The following CPPED1 variants were observed in gnomAD, a reference collection of about 807,000 sequenced individuals.
CPPED1 encodes serine/threonine-protein phosphatase CPPED1.
CPPED1 carries 28 observed loss-of-function variants against 28.0 expected under a neutral mutation model. That is an observed-to-expected ratio of 1.00 (90% CI 0.74 to 1.37). The LOEUF is 1.37. CPPED1 is among the 40% of genes most tolerant of loss of function. The pLI, the probability that CPPED1 is intolerant of heterozygous loss-of-function variation, is 0.00. For synonymous variants in CPPED1, 198 were observed against 180.2 expected, an observed-to-expected ratio of 1.10 and a Z score of -0.79; for missense variants, 504 against 416.5, an observed-to-expected ratio of 1.21 and a Z score of -1.83.
In CPPED1 at chr16:12,803,883, A is replaced by C. The variant is rs1053772581; in HGVS notation, c.-107T>G. ...GTCCCGCTTTGGGCGACGCCCTTTG[A>C]TCTCGGGGCGGGACTGGGGCGGGAC... On this transcript the variant is annotated 5_prime_UTR_variant, in exon 1 of 4. Transcript: ENST00000381774. 1 of 1,073,804 alleles carries C rather than the reference A, an allele frequency of 9.3e-7. No homozygotes were observed. 66.5% of individuals were successfully genotyped at this position (1,073,804 alleles called of 1,614,324 possible). A position where few individuals can be genotyped will look rare whatever the true frequency, so the allele number is the denominator to read the frequency against.
intron 2 of CPPED1, among the ~76,000 whole-genome samples, chr16:12,740,954 C>T (rs1596466856): frequency 6.6e-6 from 1 of 152,140 alleles, no homozygotes; most frequent in Non-Finnish European, 1.5e-5. Context: ...CCAGCTTTCC[C>T]GGCTGATCAC....
intron 3 of CPPED1, among the ~76,000 whole-genome samples, chr16:12,700,222 G>A (rs2141184268): frequency 6.6e-6 from 1 of 152,354 alleles, no homozygotes; most frequent in East Asian, 1.9e-4. Flanking sequence ...CCTTAGGCCA[G>A]TGGCCAAGAA....
intron 3 of CPPED1, 137 bp downstream of exon 3, chr16:12,704,487 C>T (rs938940121): frequency 2.3e-6 from 2 of 863,952 alleles, no homozygotes; most frequent in South Asian, 1.7e-5. Context: ...GTCTGCAAGT[C>T]CAAGAGCTGG....
chr16:12,764,031 ATT>A (rs34298808), intron 2 of CPPED1, among the ~76,000 whole-genome samples: 4,071 of 143,172 alleles, frequency 0.028, 102 homozygotes, highest in African/African-American at 0.066. Flanking sequence ...TCCCATTTGC[ATT>A]TTTTTTTTTT....
rs2079913680 is a variant in CPPED1, at chr16:12,682,991, T to C, written c.716-17876A>G. Among the ~76,000 whole-genome samples the C allele has an allele frequency of 6.6e-6, 1 of 152,198 alleles. No individual in the cohort carries two copies. The highest frequency in any genetic ancestry group is 2.1e-4 in the South Asian group (1 of 4,832). On this transcript the variant is annotated intron_variant, in intron 3 of 3. Coordinates refer to ENST00000381774, the MANE Select transcript of CPPED1 (RefSeq NM_018340.3). This position sits in a 1 kb window ranked among gnomAD's most constrained non-coding sequence, Gnocchi z 6.1. ...CTGACAGAATGTTCGTGTATCAAATTGGAAATCCATCCAAAAATACTCGAG... is the reference window on the plus strand; with the variant it reads ...CTGACAGAATGTTCGTGTATCAAATCGGAAATCCATCCAAAAATACTCGAG...
intron 1 of CPPED1, among the ~76,000 whole-genome samples, chr16:12,786,435 G>C (rs964890848): frequency 2.6e-5 from 4 of 151,898 alleles, no homozygotes; most frequent in Admixed American, 2.6e-4. Flanking sequence ...TGTTCAGGTT[G>C]TTAGTGGTGG....
At chr16:12,740,011 A>C (rs951694703) in intron 2 of CPPED1, among the ~76,000 whole-genome samples, 9 of 151,624 alleles carry the variant, frequency 5.9e-5, no homozygotes, top group Non-Finnish European at 1.3e-4. Context: ...TATTATGTGG[A>C]AAGAAAGACG....
intron 2 of CPPED1, among the ~76,000 whole-genome samples, chr16:12,737,555 C>G (rs919551379): frequency 2.6e-5 from 4 of 152,206 alleles, no homozygotes; most frequent in Non-Finnish European, 4.4e-5. Context: ...CAAGGGCATA[C>G]TCAGGGCTGA....
chr16:12,707,631 A>G lies in CPPED1; in HGVS notation c.290-2582T>C, dbSNP rs1596454532. Among the ~76,000 whole-genome samples the G allele has an allele frequency of 2.0e-5, 3 of 152,308 alleles. No homozygotes were observed. In the South Asian group the frequency reaches 6.2e-4, roughly 32 times the overall value. ...AAATGTCCGAATCCCTAATGACCAT[A>G]AACAGAAAAGTTAAGAAGGGGCAGT... On this transcript the variant is annotated intron_variant, in intron 2 of 3. Coordinates refer to ENST00000381774, the MANE Select transcript of CPPED1 (RefSeq NM_018340.3).
rs536648660 is a variant in CPPED1 at position 12,670,340 on chromosome 16, T to C, written c.716-5225A>G. 6.6e-6 allele frequency among the ~76,000 whole-genome samples: 1 copy of C among 152,054 alleles called. No homozygotes were observed. Among genetic ancestry groups the C allele is most frequent in the Admixed American group, 6.6e-5 (1 of 15,256 alleles). On this transcript the variant is annotated intron_variant, in intron 3 of 3. Transcript: ENST00000381774. This position sits in a 1 kb window ranked among gnomAD's most constrained non-coding sequence, Gnocchi z 4.2. ...TTGCAAGACCATAATAATAAACTAC[T>C]GAATAAATAAATAAATGGTAGGGGG...
At chr16:12,788,237 C>A (rs12923226) in intron 1 of CPPED1, among the ~76,000 whole-genome samples, 39,192 of 152,088 alleles carry the variant, frequency 0.26, 6,458 homozygotes, top group African/African-American at 0.47. Flanking sequence ...GTTACCAGGG[C>A]AGCCCACCTT....
intron 2 of CPPED1, among the ~76,000 whole-genome samples, chr16:12,712,668 G>C (rs950501793): frequency 6.6e-6 from 1 of 152,180 alleles, no homozygotes; most frequent in Non-Finnish European, 1.5e-5. Context: ...GGTTTGGGGA[G>C]CAAGGGTTGG....
intron 2 of CPPED1, among the ~76,000 whole-genome samples, chr16:12,757,008 G>C (rs923262764): frequency 6.7e-6 from 1 of 150,328 alleles, no homozygotes; most frequent in Non-Finnish European, 1.5e-5. Context: ...TAGAATCAGG[G>C]TAAGTAAGGT....
chr16:12,684,795 G>C (rs1258113096), intron 3 of CPPED1, among the ~76,000 whole-genome samples: 1 of 152,204 alleles, frequency 6.6e-6, no homozygotes, highest in Admixed American at 6.5e-5. Context: ...ATAGCAGAGA[G>C]CGGCCGCTCT....
rs183099113 is a variant in CPPED1, at chr16:12,754,409, C to T, written c.289+26776G>A. On this transcript the variant is annotated intron_variant, in intron 2 of 3. Coordinates refer to ENST00000381774, the MANE Select transcript of CPPED1 (RefSeq NM_018340.3). The stretch of plus-strand genomic sequence containing the variant: ...GCGCCTGTCTTTCCCCATCATGAGA[C>T]GGGCCCCCCATGCTAAAAGCAGTCA... 8.3e-4 allele frequency among the ~76,000 whole-genome samples: 126 copies of T among 151,256 alleles called. No individual in the cohort carries two copies. In the Middle Eastern group the frequency reaches 0.014, roughly 16 times the overall value.
chr16:12,734,128 G>A (rs2080214494), intron 2 of CPPED1, among the ~76,000 whole-genome samples: 1 of 129,610 alleles, frequency 7.7e-6, no homozygotes, highest in Middle Eastern at 4.6e-3. Context: ...GGAGTGCAGT[G>A]GCACGATCTC....
intron 2 of CPPED1, among the ~76,000 whole-genome samples, chr16:12,774,576 C>T (rs2080487075): frequency 6.6e-6 from 1 of 152,140 alleles, no homozygotes; most frequent in South Asian, 2.1e-4. Flanking sequence ...TGAATGCATG[C>T]TGTTCTAGTC....
intron 2 of CPPED1, 191 bp downstream of exon 2, chr16:12,780,994 C>G (rs2080527014): frequency 1.7e-6 from 1 of 592,734 alleles, no homozygotes; most frequent in Non-Finnish European, 3.0e-6. Context: ...TGTGATTAAT[C>G]TCGCCAAACT....
Position 12,803,879 on chromosome 16 carries a change from T to A in CPPED1, c.-103A>T. On this transcript the variant is annotated 5_prime_UTR_variant, in exon 1 of 4. In the 5' UTR this introduces an upstream ATG that the reference lacks. Coordinates refer to ENST00000381774, the MANE Select transcript of CPPED1 (RefSeq NM_018340.3). ...ACCTGTCCCGCTTTGGGCGACGCCC[T>A]TTGATCTCGGGGCGGGACTGGGGCG... The A allele has an allele frequency of 8.7e-7, 1 of 1,145,400 alleles. No individual in the cohort carries two copies. Among genetic ancestry groups the A allele is most frequent in the Non-Finnish European group, 1.2e-6 (1 of 834,238 alleles). The allele number at this position is 1,145,400 out of a possible 1,614,324, so 71.0% of individuals were successfully genotyped here. A position where few individuals can be genotyped will look rare whatever the true frequency, so the allele number is the denominator to read the frequency against.
Sources: gnomAD v4.1 joint callset for allele counts (sites outside exome capture counted in the v4.1 genomes callset) on GRCh38, gnomAD v4.1.1 for gene constraint, Gnocchi (gnomAD v3.1) non-coding constraint, MANE v1.5 for transcripts, NCBI Gene and HGNC (gene_info 2026-07-23, HGNC 2026-07-21) for gene names.